The following HECW1 variants were observed in gnomAD, a reference collection of about 807,000 sequenced individuals.
The protein encoded by HECW1 is HECT, C2 and WW domain containing E3 ubiquitin protein ligase 1.
Under a neutral mutation model 182.3 loss-of-function variants are expected in HECW1, and 61 were observed. The observed-to-expected ratio is 0.33, with a 90% CI of 0.27 to 0.41. The LOEUF (loss-of-function observed/expected upper bound fraction) is 0.41. HECW1 is among the 10% of genes least tolerant of loss of function. HECW1 has a pLI of 1.00. For missense variants in HECW1, 1,739 were observed against 2,108.9 expected (o/e 0.82, Z 3.44); for synonymous variants, 859 against 832.6 (o/e 1.03, Z -0.55).
intron 8 of HECW1, among the ~76,000 whole-genome samples, chr7:43,409,041 G>A (rs1289189433): frequency 2.0e-5 from 3 of 152,186 alleles, no homozygotes; most frequent in African/African-American, 4.8e-5. Flanking sequence ...CTCTGATTTA[G>A]AGCTTTCAAG....
At chr7:43,197,117 A>C (rs1311863567) in intron 2 of HECW1, among the ~76,000 whole-genome samples, 1 of 152,150 alleles carries the variant, frequency 6.6e-6, no homozygotes, top group Non-Finnish European at 1.5e-5. Context: ...GTCCCAGTGC[A>C]CCTTTCTCTA....
At chr7:43,237,173 G>A in intron 2 of HECW1, among the ~76,000 whole-genome samples, 1 of 139,346 alleles carries the variant, frequency 7.2e-6, no homozygotes, top group Non-Finnish European at 1.6e-5. Flanking sequence ...AGGTAGGTAG[G>A]TAGGTAGGTA....
At chr7:43,388,392 A>C (rs751803509) in intron 6 of HECW1, among the ~76,000 whole-genome samples, 55 of 152,364 alleles carry the variant, frequency 3.6e-4, no homozygotes, top group Admixed American at 1.0e-3. Flanking sequence ...ATCACATGTC[A>C]TCAGATCTAA....
chr7:43,491,856 T>C (rs1442075279), intron 17 of HECW1, among the ~76,000 whole-genome samples: 1 of 152,258 alleles, frequency 6.6e-6, no homozygotes, highest in East Asian at 1.9e-4. Flanking sequence ...CCCCAAGTGC[T>C]AGGATTACAG....
chr7:43,190,233 C>T (rs1793784527), intron 2 of HECW1, among the ~76,000 whole-genome samples: 1 of 152,174 alleles, frequency 6.6e-6, no homozygotes, highest in Admixed American at 6.5e-5. Flanking sequence ...CCTGCCTCAG[C>T]CTCCTGAGTA....
intron 3 of HECW1, among the ~76,000 whole-genome samples, chr7:43,296,147 ATAGT>A (rs1220953968): frequency 7.2e-5 from 11 of 152,240 alleles, no homozygotes; most frequent in Non-Finnish European, 1.3e-4. Flanking sequence ...TTCTACTATA[ATAGT>A]TAACCATTTA....
chr7:43,315,360 T>G (rs1331659876), intron 4 of HECW1, among the ~76,000 whole-genome samples: 1 of 152,166 alleles, frequency 6.6e-6, no homozygotes, highest in Non-Finnish European at 1.5e-5. Context: ...TATCACTTTA[T>G]GCTTAGAGTT....
chr7:43,432,226 G>A lies in HECW1; in HGVS notation c.802-5777G>A, dbSNP rs574382116. Among the ~76,000 whole-genome samples the A allele has an allele frequency of 4.3e-4, 63 of 146,960 alleles. No homozygotes were observed. Among genetic ancestry groups the A allele is most frequent in the Non-Finnish European group, 6.9e-4 (46 of 66,870 alleles). The stretch of plus-strand genomic sequence containing the variant: ...GGGATCTCGGCTCACTGCAAGCTCC[G>A]CCTCCCGGGTTCACGCCATTCTCCT... On this transcript the variant is annotated intron_variant, in intron 8 of 29. Coordinates refer to ENST00000395891, the MANE Select transcript of HECW1 (RefSeq NM_015052.5). This position sits in a 1 kb window ranked among gnomAD's most constrained non-coding sequence, Gnocchi z 4.1.
chr7:43,395,663 G>A (rs2075203332), intron 6 of HECW1, among the ~76,000 whole-genome samples: 1 of 152,138 alleles, frequency 6.6e-6, no homozygotes, highest in Admixed American at 6.6e-5. Flanking sequence ...ATCACATTTG[G>A]GCTTCAGGGC....
In HECW1 at chr7:43,311,834, C is replaced by G. The variant is rs1224013409; in HGVS notation, c.99C>G (p.Arg33=). The change falls in exon 4 of 30, where the codon CGC becomes CGG. Residue 33 remains arginine, a synonymous_variant. Coordinates refer to ENST00000395891, the MANE Select transcript of HECW1 (RefSeq NM_015052.5). ...CTTCTAGAAACTCCCAGAGCCGACG[C>G]CGGTGCAAGGAGCCGCTCCGATACA... ...ASPSRNSQSR[R]RCKEPLRYSY... is the part of the protein sequence containing the mutation. 6.2e-7 allele frequency: 1 copy of G among 1,614,190 alleles called. No homozygotes were observed. Among genetic ancestry groups the G allele is most frequent in the Admixed American group, 1.7e-5 (1 of 60,034 alleles).
chr7:43,399,300 G>C (rs2075329241), intron 7 of HECW1, among the ~76,000 whole-genome samples: 1 of 152,214 alleles, frequency 6.6e-6, no homozygotes. Context: ...ACGCAAGATG[G>C]AGTTGGTTAG....
At chr7:43,298,418 T>C (rs377612756) in intron 3 of HECW1, among the ~76,000 whole-genome samples, 2 of 152,210 alleles carry the variant, frequency 1.3e-5, no homozygotes, top group African/African-American at 4.8e-5. Context: ...CCCTTAGCAG[T>C]TTACAGTCCC....
chr7:43,547,056 C>T (rs1184212103), intron 26 of HECW1, among the ~76,000 whole-genome samples: 2 of 152,198 alleles, frequency 1.3e-5, no homozygotes, highest in African/African-American at 4.8e-5. Flanking sequence ...TGCTTCTCTT[C>T]TTATCTTGAC....
At chr7:43,532,689 G>A (rs1300251761) in intron 24 of HECW1, among the ~76,000 whole-genome samples, 3 of 152,030 alleles carry the variant, frequency 2.0e-5, no homozygotes, top group African/African-American at 7.3e-5. Context: ...CTTTACTCAG[G>A]TCCTGCATCA....
intron 8 of HECW1, among the ~76,000 whole-genome samples, chr7:43,416,520 T>A (rs367879190): frequency 6.5e-4 from 99 of 152,200 alleles, no homozygotes; most frequent in African/African-American, 2.2e-3. Flanking sequence ...GGGCCTACAG[T>A]GGCAGGCAGG....
At chr7:43,375,138 G>A (rs1216364991) in intron 6 of HECW1, among the ~76,000 whole-genome samples, 1 of 152,102 alleles carries the variant, frequency 6.6e-6, no homozygotes, top group African/African-American at 2.4e-5. Flanking sequence ...ACTCCAAAAG[G>A]AGCCAAGGGG....
chr7:43,446,137 A>T (rs2077046906), intron 11 of HECW1, among the ~76,000 whole-genome samples: 1 of 149,626 alleles, frequency 6.7e-6, no homozygotes, highest in South Asian at 2.1e-4. Context: ...AATTCTTGTT[A>T]TTACTGTTGG....
At chr7:43,130,167 G>T (rs960593476) in intron 2 of HECW1, among the ~76,000 whole-genome samples, 3 of 152,108 alleles carry the variant, frequency 2.0e-5, no homozygotes, top group Admixed American at 2.0e-4. Flanking sequence ...CAATATATTA[G>T]ATGCATTTTC....
chr7:43,276,232 A>G (rs1022000547), intron 3 of HECW1, among the ~76,000 whole-genome samples: 1 of 152,212 alleles, frequency 6.6e-6, no homozygotes, highest in Non-Finnish European at 1.5e-5. Context: ...GACTCCTAGC[A>G]TAGCCTGTTC....
Sources: gnomAD v4.1 joint callset for allele counts (sites outside exome capture counted in the v4.1 genomes callset) on GRCh38, gnomAD v4.1.1 for gene constraint, Gnocchi (gnomAD v3.1) non-coding constraint, MANE v1.5 for transcripts, NCBI Gene and HGNC (gene_info 2026-07-23, HGNC 2026-07-21) for gene names.